The following EPB41L4A variants were observed in gnomAD, a reference collection of about 807,000 sequenced individuals.
EPB41L4A encodes the protein erythrocyte membrane protein band 4.1 like 4A, also known as band 4.1-like protein 4A.
Under a neutral mutation model 108.6 loss-of-function variants are expected in EPB41L4A, and 100 were observed. The ratio of observed to expected loss-of-function variants is 0.92; its 90% CI spans 0.78 to 1.09. The LOEUF (loss-of-function observed/expected upper bound fraction) is 1.09. EPB41L4A is among the 50% of genes least tolerant of loss of function. The probability of loss-of-function intolerance (pLI) is 0.00; values close to 1 mark genes in which losing one functional copy is unlikely to be tolerated. For missense variants in EPB41L4A, 1,030 were observed against 842.7 expected (o/e 1.22, Z -2.75); for synonymous variants, 319 against 289.0 (o/e 1.10, Z -1.05).
At chr5:112,292,549 A>G (rs1455545495) in intron 2 of EPB41L4A, among the ~76,000 whole-genome samples, 3 of 152,140 alleles carry the variant, frequency 2.0e-5, no homozygotes, top group Admixed American at 6.5e-5. Context: ...TTCCAAGAAC[A>G]TCTCTCTTAT....
intron 1 of EPB41L4A, among the ~76,000 whole-genome samples, chr5:112,338,560 G>C (rs1159416942): frequency 6.6e-6 from 1 of 151,842 alleles, no homozygotes; most frequent in Non-Finnish European, 1.5e-5. Flanking sequence ...GTCTGGAGAT[G>C]GGGGAGGCTT....
chr5:112,353,226 C>A (rs2070904260), intron 1 of EPB41L4A, among the ~76,000 whole-genome samples: 1 of 151,440 alleles, frequency 6.6e-6, no homozygotes, highest in African/African-American at 2.4e-5. Context: ...ACCAAGCATG[C>A]CTGTTGGCAT....
At chr5:112,173,582 A>G (rs551322466) in intron 18 of EPB41L4A, 2 of 150,134 alleles carry the variant, frequency 1.3e-5, no homozygotes, top group Non-Finnish European at 3.0e-5. Flanking sequence ...ATATACTATT[A>G]TTGTAATTCC....
intron 1 of EPB41L4A, among the ~76,000 whole-genome samples, chr5:112,340,625 T>C (rs533996192): frequency 1.4e-4 from 21 of 152,338 alleles, no homozygotes; most frequent in African/African-American, 4.6e-4. Context: ...GAACATCAAT[T>C]TTTAAATGGA....
intron 1 of EPB41L4A, among the ~76,000 whole-genome samples, chr5:112,394,221 T>C (rs972953798): frequency 5.9e-5 from 9 of 152,168 alleles, no homozygotes; most frequent in African/African-American, 2.2e-4. Flanking sequence ...TTCAACATAG[T>C]GTTGAAAGTT....
intron 12 of EPB41L4A, 94 bp downstream of exon 12, chr5:112,234,540 C>A (rs1009861542): frequency 2.6e-6 from 3 of 1,141,112 alleles, no homozygotes; most frequent in Non-Finnish European, 3.6e-6. Flanking sequence ...AATAGAAAGA[C>A]TGTAGAGTTA....
Position 112,278,208 on chromosome 5 carries a change from G to A in EPB41L4A, c.256+2064C>T, listed in dbSNP as rs148277202. Reference sequence around the variant, plus strand: ...ATGTAAGGATTCTTCAGTCACTAACGTTTCGTCAATTATAATACCAGTTGT... The same window carrying A: ...ATGTAAGGATTCTTCAGTCACTAACATTTCGTCAATTATAATACCAGTTGT... On this transcript the variant is annotated intron_variant, in intron 3 of 22. Coordinates refer to ENST00000261486, the MANE Select transcript of EPB41L4A (RefSeq NM_022140.5). Among the ~76,000 whole-genome samples the A allele has an allele frequency of 7.5e-4, 114 of 151,336 alleles. No homozygotes were observed. The East Asian group carries it at 0.02, about 27-fold the overall frequency.
At chr5:112,190,873 AG>A (rs1761663285) in intron 17 of EPB41L4A, among the ~76,000 whole-genome samples, 2 of 143,122 alleles carry the variant, frequency 1.4e-5, no homozygotes, top group Admixed American at 1.4e-4. Flanking sequence ...GGGAATTCAA[AG>A]GAAACAGAAG....
intron 1 of EPB41L4A, among the ~76,000 whole-genome samples, chr5:112,376,602 T>C (rs1453746197): frequency 1.3e-5 from 2 of 152,224 alleles, no homozygotes; most frequent in African/African-American, 4.8e-5. Flanking sequence ...AGCAGCTTTA[T>C]TCATAAAGTC....
chr5:112,222,164 G>A (rs1748107025), intron 12 of EPB41L4A, among the ~76,000 whole-genome samples: 1 of 152,200 alleles, frequency 6.6e-6, no homozygotes, highest in East Asian at 1.9e-4. Context: ...TAAATGAGCA[G>A]AATGTATGGT....
intron 1 of EPB41L4A, among the ~76,000 whole-genome samples, chr5:112,393,260 T>G (rs184166266): frequency 6.6e-6 from 1 of 151,406 alleles, no homozygotes; most frequent in South Asian, 2.1e-4. Flanking sequence ...CTGAAGGAGA[T>G]AGAGACACAA....
intron 12 of EPB41L4A, among the ~76,000 whole-genome samples, chr5:112,212,354 A>G (rs948857741): frequency 6.6e-6 from 1 of 150,426 alleles, no homozygotes; most frequent in Non-Finnish European, 1.5e-5. Flanking sequence ...GTGCAGTGAC[A>G]TGATCTCAGC....
rs35486822 is a variant in EPB41L4A at position 112,286,866 on chromosome 5, GAA to G, written c.205-6545_205-6544del. On this transcript the variant is annotated intron_variant, in intron 2 of 22. Transcript: ENST00000261486. The stretch of plus-strand genomic sequence containing the variant: ...TGCTTTGAAATAAATCTCTGGATGA[GAA>G]AAAAAAAAAAAAGTTGTTCTACATT... Among the ~76,000 whole-genome samples the G allele has an allele frequency of 7.1e-4, 101 of 142,828 alleles. 1 individual carries two copies. Among genetic ancestry groups the G allele is most frequent in the African/African-American group, 1.9e-3 (72 of 38,760 alleles). The allele number at this position is 142,828 out of a possible 152,430, so 93.7% of individuals were successfully genotyped here.
Position 112,370,583 on chromosome 5 carries a change from A to G in EPB41L4A, c.99+48358T>C, listed in dbSNP as rs59922868. On this transcript the variant is annotated intron_variant, in intron 1 of 22. Coordinates refer to ENST00000261486, the MANE Select transcript of EPB41L4A (RefSeq NM_022140.5). ...AATAAAAATATACATGGATTTTTAG[A>G]AAAGTTCGATTTTCCAGTTACAAAC... Among the ~76,000 whole-genome samples, 896 of 152,336 alleles carry G rather than the reference A, an allele frequency of 5.9e-3. 9 individuals carry two copies. The highest frequency in any genetic ancestry group is 0.02 in the African/African-American group (829 of 41,574).
At chr5:112,212,903 T>C (rs1014341555) in intron 12 of EPB41L4A, among the ~76,000 whole-genome samples, 4 of 152,182 alleles carry the variant, frequency 2.6e-5, no homozygotes, top group African/African-American at 4.8e-5. Context: ...AGTCTAACAA[T>C]CAATTACTTT....
rs1437500191 is a variant in EPB41L4A at position 112,164,918 on chromosome 5, C to T, written c.*72G>A. On this transcript the variant is annotated 3_prime_UTR_variant, in exon 23 of 23. Transcript: ENST00000261486. ...AGGTCTGAGATTTGAATTAAGATAC[C>T]TATTTCACAGTTTCAAAAGTACCAG... 4 of 1,383,612 alleles carry T rather than the reference C, an allele frequency of 2.9e-6. No homozygotes were observed. Among genetic ancestry groups the T allele is most frequent in the Non-Finnish European group, 3.9e-6 (4 of 1,037,224 alleles). The allele number at this position is 1,383,612 out of a possible 1,614,324, so 85.7% of individuals were successfully genotyped here. A position where few individuals can be genotyped will look rare whatever the true frequency, so the allele number is the denominator to read the frequency against.
chr5:112,143,741 C>T (rs1486968983), exon 14 of EPB41L4A: 1 of 361,122 alleles, frequency 2.8e-6, no homozygotes, highest in Non-Finnish European at 5.7e-6. Context: ...TAGAAAAGTC[C>T]CAGACAAGGG....
At chr5:112,331,273 A>G (rs1262583443) in intron 1 of EPB41L4A, among the ~76,000 whole-genome samples, 1 of 152,202 alleles carries the variant, frequency 6.6e-6, no homozygotes, top group Non-Finnish European at 1.5e-5. Context: ...GTGCCCTGCT[A>G]TCATTCCAAC....
intron 9 of EPB41L4A, among the ~76,000 whole-genome samples, chr5:112,258,799 C>T (rs1247704248): frequency 6.6e-6 from 1 of 152,138 alleles, no homozygotes; most frequent in Non-Finnish European, 1.5e-5. Context: ...CTATCACACT[C>T]AATGAGGAAA....
Sources: gnomAD v4.1 joint callset for allele counts (sites outside exome capture counted in the v4.1 genomes callset) on GRCh38, gnomAD v4.1.1 for gene constraint, MANE v1.5 for transcripts, NCBI Gene and HGNC (gene_info 2026-07-23, HGNC 2026-07-21) for gene names.